CYP2S1: variants seen among roughly 807,000 people sequenced by gnomAD.
CYP2S1 encodes cytochrome P450 2S1.
CYP2S1 carries 32 observed loss-of-function variants against 43.5 expected under a neutral mutation model. That is an observed-to-expected ratio of 0.74 (90% CI 0.56 to 0.99). The LOEUF (loss-of-function observed/expected upper bound fraction) is 0.99. Ranked by LOEUF, CYP2S1 falls within the 50% of genes least tolerant of loss-of-function variation. The pLI, the probability that CYP2S1 is intolerant of heterozygous loss-of-function variation, is 0.00. For synonymous variants in CYP2S1, 283 were observed against 302.9 expected (o/e 0.93, Z 0.68); for missense variants, 575 against 673.9 (o/e 0.85, Z 1.62).
intron 1 of CYP2S1, 150 bp from the exon 2 acceptor site, chr19:41,194,394 C>T: frequency 9.7e-7 from 1 of 1,030,804 alleles, no homozygotes; most frequent in Non-Finnish European, 1.3e-6. Context: ...AGAACTGAGC[C>T]TCAGCTATTT....
intron 5 of CYP2S1, among the ~76,000 whole-genome samples, chr19:41,201,009 C>T (rs1377523956): frequency 6.6e-6 from 1 of 151,738 alleles, no homozygotes; most frequent in African/African-American, 2.4e-5. Context: ...ACCCAGGAGG[C>T]GGAGGTTGCA....
At position 41,193,237 on chromosome 19, in the gene CYP2S1, G is replaced by A; in HGVS notation, c.-28G>A. 2 of 1,514,400 alleles carry A rather than the reference G, an allele frequency of 1.3e-6. No homozygotes were observed. Among genetic ancestry groups the A allele is most frequent in the Non-Finnish European group, 1.8e-6 (2 of 1,137,136 alleles). 93.8% of individuals were successfully genotyped at this position (1,514,400 alleles called of 1,614,324 possible). On this transcript the variant is annotated 5_prime_UTR_variant, in exon 1 of 9. Transcript: ENST00000310054. ...CTAGCCCAGCCGCGCGGAGCGCCTGGGAGAGGAGAAGGAGCCGACCTGCCG... is the reference window on the plus strand; with the variant it reads ...CTAGCCCAGCCGCGCGGAGCGCCTGAGAGAGGAGAAGGAGCCGACCTGCCG...
rs924081084 is a variant in CYP2S1, at chr19:41,197,944, T to C, written c.493+16T>C. 3 of 1,602,666 alleles carry C rather than the reference T, an allele frequency of 1.9e-6. No homozygotes were observed. The highest frequency in any genetic ancestry group is 2.6e-6 in the Non-Finnish European group (3 of 1,175,474). On this transcript the variant is annotated intron_variant, in intron 3 of 8. Transcript: ENST00000310054. ...GGGACAGAAGGTCAGCATGGCGGGG[T>C]CACCCCAGGGTCTCCAGCCGAGTGA...
In CYP2S1 at chr19:41,198,950, C is replaced by T. The variant is rs571851675; in HGVS notation, c.834+62C>T. The T allele has an allele frequency of 6.5e-6, 10 of 1,544,860 alleles. No individual in the cohort carries two copies. Among genetic ancestry groups the T allele is most frequent in the Middle Eastern group, 1.7e-4 (1 of 5,746 alleles). ...GCGTGGTGACCTGGCAGGTCCCCAGCCAGGTGTCCCTGGGGACCTCAATTG... is the reference window on the plus strand; with the variant it reads ...GCGTGGTGACCTGGCAGGTCCCCAGTCAGGTGTCCCTGGGGACCTCAATTG... On this transcript the variant is annotated intron_variant, in intron 5 of 8. Transcript: ENST00000310054. The surrounding 1 kb of genome is among the most constrained non-coding windows in gnomAD (Gnocchi z 4.9).
chr19:41,206,253 C>T, intron 8 of CYP2S1, 27 bp from the exon 9 acceptor site: 1 of 1,605,166 alleles, frequency 6.2e-7, no homozygotes, highest in Non-Finnish European at 8.5e-7. Flanking sequence ...ACTGACTCAG[C>T]CCTCTCTCTC....
In CYP2S1 at chr19:41,198,917, CTGAA is replaced by C; in HGVS notation, c.834+32_834+35del. 1 of 1,584,876 alleles carries C rather than the reference CTGAA, an allele frequency of 6.3e-7. No individual in the cohort carries two copies. Among genetic ancestry groups the C allele is most frequent in the African/African-American group, 1.3e-5 (1 of 74,520 alleles). Reference sequence around the variant, plus strand: ...TGGGAAGGGTGCAGGGACCCCCTCTCTGAATGGGCGTGGTGACCTGGCAGGTCCC... The same window carrying C: ...TGGGAAGGGTGCAGGGACCCCCTCTCTGGGCGTGGTGACCTGGCAGGTCCC... On this transcript the variant is annotated intron_variant, in intron 5 of 8. Coordinates refer to ENST00000310054, the MANE Select transcript of CYP2S1 (RefSeq NM_030622.8). The surrounding 1 kb of genome is among the most constrained non-coding windows in gnomAD (Gnocchi z 4.9).
intron 5 of CYP2S1, among the ~76,000 whole-genome samples, 155 bp downstream of exon 5, chr19:41,199,043 C>G (rs1299110700): frequency 6.6e-6 from 1 of 152,156 alleles, no homozygotes; most frequent in Non-Finnish European, 1.5e-5. Flanking sequence ...GTGTGTGCAT[C>G]CCTTCTCTGC....
rs566850642 is a variant in CYP2S1, at chr19:41,205,542, G to T, written c.1165-416G>T. On this transcript the variant is annotated intron_variant, in intron 7 of 8. Coordinates refer to ENST00000310054, the MANE Select transcript of CYP2S1 (RefSeq NM_030622.8). Reference sequence around the variant, plus strand: ...TCCTCTCTTTCTCTCTTTCTTTCTTGACAGGGTCTCTCTTTGTCTCCCAGG... The same window carrying T: ...TCCTCTCTTTCTCTCTTTCTTTCTTTACAGGGTCTCTCTTTGTCTCCCAGG... Among the ~76,000 whole-genome samples the T allele has an allele frequency of 4.6e-3, 670 of 146,186 alleles. 4 individuals carry two copies. Among genetic ancestry groups the T allele is most frequent in the Non-Finnish European group, 7.4e-3 (497 of 67,074 alleles).
At chr19:41,201,888 G>A (rs374510409) in intron 6 of CYP2S1, among the ~76,000 whole-genome samples, 4 of 152,064 alleles carry the variant, frequency 2.6e-5, no homozygotes, top group Admixed American at 6.6e-5. Context: ...GGGCCTCATC[G>A]CCTTAGTGAT....
intron 2 of CYP2S1, among the ~76,000 whole-genome samples, chr19:41,196,130 A>G (rs1034185873): frequency 2.6e-5 from 4 of 152,114 alleles, no homozygotes; most frequent in African/African-American, 9.7e-5. Context: ...AGAAGGTGAC[A>G]TTTAAGCCGG....
chr19:41,195,916 C>CCTGGT (rs1219303858), intron 2 of CYP2S1, among the ~76,000 whole-genome samples: 3 of 151,958 alleles, frequency 2.0e-5, no homozygotes, highest in Non-Finnish European at 4.4e-5. Flanking sequence ...AATCATTATA[C>CCTGGT]CTGGTACCAT....
chr19:41,196,866 G>A (rs1441207356), intron 2 of CYP2S1, among the ~76,000 whole-genome samples: 1 of 152,114 alleles, frequency 6.6e-6, no homozygotes, highest in Non-Finnish European at 1.5e-5. Flanking sequence ...TGGATGGAAG[G>A]AAGGAAGGAG....
intron 7 of CYP2S1, among the ~76,000 whole-genome samples, chr19:41,205,665 G>C (rs914031114): frequency 3.3e-5 from 5 of 152,020 alleles, no homozygotes; most frequent in Middle Eastern, 3.4e-3. Flanking sequence ...GGGACAACGG[G>C]CTCATACCAC....
rs2033595146 is a variant in CYP2S1 at position 41,207,238 on chromosome 19, T to C, written c.*750T>C. 1 of 242,126 alleles carries C rather than the reference T, an allele frequency of 4.1e-6. No individual in the cohort carries two copies. The highest frequency in any genetic ancestry group is 2.2e-5 in the African/African-American group (1 of 44,970). 15.0% of individuals were successfully genotyped at this position (242,126 alleles called of 1,614,324 possible). On this transcript the variant is annotated 3_prime_UTR_variant, in exon 9 of 9. Transcript: ENST00000310054. ...GCAAACACATCTGGGTCTGCGATTA[T>C]GCACAGAGACTTTGGACATACGAGG...
intron 5 of CYP2S1, among the ~76,000 whole-genome samples, chr19:41,200,379 C>CA (rs1555727038): frequency 6.8e-6 from 1 of 147,182 alleles, no homozygotes. Context: ...TGGCAATCAC[C>CA]TTTTTTTTTT....
At chr19:41,201,911 TTA>T (rs1217713517) in intron 6 of CYP2S1, among the ~76,000 whole-genome samples, 6 of 152,100 alleles carry the variant, frequency 3.9e-5, no homozygotes, top group African/African-American at 1.4e-4. Flanking sequence ...ATTAGGTGCC[TTA>T]TCCTGAGCCA....
chr19:41,206,246 G>T (rs777637434), intron 8 of CYP2S1, 34 bp from the exon 9 acceptor site: 1 of 1,608,536 alleles, frequency 6.2e-7, no homozygotes, highest in East Asian at 2.3e-5. Context: ...GAGGAATACT[G>T]ACTCAGCCCT....
chr19:41,198,972 A>T lies in CYP2S1; in HGVS notation c.834+84A>T. 6.7e-7 allele frequency: 1 copy of T among 1,485,374 alleles called. No individual in the cohort carries two copies. The highest frequency in any genetic ancestry group is 2.2e-5 in the Admixed American group (1 of 45,268). 92.0% of individuals were successfully genotyped at this position (1,485,374 alleles called of 1,614,324 possible). A position where few individuals can be genotyped will look rare whatever the true frequency, so the allele number is the denominator to read the frequency against. The stretch of plus-strand genomic sequence containing the variant: ...CAGCCAGGTGTCCCTGGGGACCTCA[A>T]TTGGGTTCCTCTCTCTTTCTCTCTC... On this transcript the variant is annotated intron_variant, in intron 5 of 8. Transcript: ENST00000310054. This position sits in a 1 kb window ranked among gnomAD's most constrained non-coding sequence, Gnocchi z 4.9.
Position 41,198,516 on chromosome 19 carries a change from G to T in CYP2S1, c.548G>T (p.Cys183Phe). The part of the protein sequence containing the change: ...LLAQATSNVV[C>F]SLLFGLRFSY... ...GCCCAGGCCACCTCCAACGTAGTCT[G>T]CTCCCTCCTCTTTGGCCTCCGCTTC... Residue 183 changes from cysteine (C) to phenylalanine (F), a missense_variant, in exon 4 of 9, where the codon TGC becomes TTC. Cys to Phe is a radical substitution (Grantham distance 205, BLOSUM62 -2). Around this residue, in one of 2 missense-constraint regions of CYP2S1, gnomAD observed 353 missense variants for 367.6 expected, o/e 0.96. Coordinates refer to ENST00000310054, the MANE Select transcript of CYP2S1 (RefSeq NM_030622.8). This position sits in a 1 kb window ranked among gnomAD's most constrained non-coding sequence, Gnocchi z 4.9. 1 of 1,614,070 alleles carries T rather than the reference G, an allele frequency of 6.2e-7. No homozygotes were observed. Among genetic ancestry groups the T allele is most frequent in the Non-Finnish European group, 8.5e-7 (1 of 1,180,002 alleles).
Sources: allele counts gnomAD v4.1 joint callset (sites outside exome capture counted in the v4.1 genomes callset), GRCh38; gene constraint gnomAD v4.1.1; regional missense constraint gnomAD v4.1.1; non-coding constraint Gnocchi (gnomAD v3.1); transcripts MANE v1.5; gene names NCBI Gene and HGNC (gene_info 2026-07-23, HGNC 2026-07-21).